EQTN: variants seen among roughly 807,000 people sequenced by gnomAD.
EQTN encodes equatorin, also known as Acrosome formation associated factor.
EQTN carries 29 observed loss-of-function variants against 26.9 expected under a neutral mutation model. The observed-to-expected ratio is 1.08, with a 90% confidence interval of 0.80 to 1.47. The LOEUF (loss-of-function observed/expected upper bound fraction) is 1.47. Ranked by LOEUF, EQTN falls within the 40% of genes most tolerant of loss-of-function variation. The pLI is 0.00. For synonymous variants in EQTN, 129 were observed against 120.0 expected (o/e 1.07, Z -0.49); for missense variants, 391 against 346.1 (o/e 1.13, Z -1.03).
rs142661318 is a variant in EQTN at position 27,286,099 on chromosome 9, G to T, written c.635+110C>A. On this transcript the variant is annotated intron_variant, in intron 7 of 7. Coordinates refer to ENST00000380032, the MANE Select transcript of EQTN (RefSeq NM_020641.3). ...GGTAAATGGAATCAATTTGAATGTC[G>T]TATGGATGAATTCAGAGGTCACATA... The T allele has an allele frequency of 2.2e-4, 239 of 1,067,048 alleles. 1 individual carries two copies. In the Middle Eastern group the frequency reaches 2.7e-3, roughly 12 times the overall value. 66.1% of individuals were successfully genotyped at this position (1,067,048 alleles called of 1,614,324 possible). A position where few individuals can be genotyped will look rare whatever the true frequency, so the allele number is the denominator to read the frequency against.
intron 7 of EQTN, among the ~76,000 whole-genome samples, chr9:27,285,487 C>T (rs1820102095): frequency 6.6e-6 from 1 of 152,118 alleles, no homozygotes; most frequent in Non-Finnish European, 1.5e-5. Context: ...CACTTTGAAG[C>T]ATGTTTCAAA....
rs774886799 is a variant in EQTN, at chr9:27,284,730, G to A, written c.878C>T (p.Thr293Ile). The A allele has an allele frequency of 6.2e-7, 1 of 1,613,134 alleles. No homozygotes were observed. The highest frequency in any genetic ancestry group is 1.1e-5 in the South Asian group (1 of 90,918). The change falls in exon 8 of 8, where the codon ACC (threonine) becomes ATC (isoleucine). Residue 293 changes from threonine (T) to isoleucine (I), a missense_variant. Thr to Ile is a moderately conservative substitution (Grantham distance 89). Coordinates refer to ENST00000380032, the MANE Select transcript of EQTN (RefSeq NM_020641.3). ...NEMHENDESV[T>I]R ...CCGGGTTCCTTGATTTCTTCACCGGGTAACCGACTCATCGTTTTCATGCAT... is the reference window on the plus strand; with the variant it reads ...CCGGGTTCCTTGATTTCTTCACCGGATAACCGACTCATCGTTTTCATGCAT...
intron 2 of EQTN, 164 bp from the exon 3 acceptor site, chr9:27,294,566 G>T (rs1820300332): frequency 7.3e-6 from 3 of 409,172 alleles, no homozygotes; most frequent in African/African-American, 2.0e-5. Flanking sequence ...GTGGGGCAAG[G>T]GTCAAATCTA....
chr9:27,287,757 G>C (rs1287361030), intron 6 of EQTN, among the ~76,000 whole-genome samples: 2 of 152,164 alleles, frequency 1.3e-5, no homozygotes, highest in Non-Finnish European at 2.9e-5. Flanking sequence ...TGTCATTCCT[G>C]TTTATAACTT....
At chr9:27,290,445 C>T (rs1820212306) in intron 5 of EQTN, among the ~76,000 whole-genome samples, 1 of 152,158 alleles carries the variant, frequency 6.6e-6, no homozygotes, top group Admixed American at 6.5e-5. Context: ...GTAGGTGATA[C>T]AGAATGCAAA....
chr9:27,296,344 T>G (rs1820342809), intron 2 of EQTN, among the ~76,000 whole-genome samples: 1 of 152,082 alleles, frequency 6.6e-6, no homozygotes, highest in African/African-American at 2.4e-5. Flanking sequence ...AAAATAAGCC[T>G]TAAAGATAAG....
intron 7 of EQTN, among the ~76,000 whole-genome samples, 161 bp from the exon 8 acceptor site, chr9:27,285,133 C>CTTTTTTTTT (rs201723057): frequency 1.3e-5 from 1 of 77,078 alleles, no homozygotes; most frequent in African/African-American, 5.7e-5. Flanking sequence ...TTTTCTTTTC[C>CTTTTTTTTT]TTTTTTTTTT....
Position 27,289,727 on chromosome 9 carries a change from T to C in EQTN, c.426A>G (p.Ile142Met), listed in dbSNP as rs757407388. Reference sequence around the variant, plus strand: ...CATCCATGACCACTGCTGTTCCATTTATAGCTGTTAAAACAAATTGGGGTT... The same window carrying C: ...CATCCATGACCACTGCTGTTCCATTCATAGCTGTTAAAACAAATTGGGGTT... ...PAFWTMLAKA[I>M]NGTAVVMDDK... Residue 142 changes from isoleucine (I) to methionine (M), a missense_variant, in exon 6 of 8, where the codon ATA (isoleucine) becomes ATG (methionine). Coordinates refer to ENST00000380032, the MANE Select transcript of EQTN (RefSeq NM_020641.3). 2.2e-5 allele frequency: 36 copies of C among 1,602,426 alleles called. No individual in the cohort carries two copies. The highest frequency in any genetic ancestry group is 2.0e-4 in the Admixed American group (12 of 58,774).
At chr9:27,288,422 C>T (rs1820162875) in intron 6 of EQTN, among the ~76,000 whole-genome samples, 1 of 152,006 alleles carries the variant, frequency 6.6e-6, no homozygotes, top group African/African-American at 2.4e-5. Flanking sequence ...CTCATCTTCC[C>T]ACCTTGCCCT....
rs1253310646 is a variant in EQTN at position 27,296,751 on chromosome 9, A to C, written c.77-13T>G. 6.3e-7 allele frequency: 1 copy of C among 1,598,528 alleles called. No individual in the cohort carries two copies. Among genetic ancestry groups the C allele is most frequent in the East Asian group, 2.2e-5 (1 of 44,718 alleles). ...ACATTAGGCAATGCTAAAAAAAAGT[A>C]TCACACACCATAGATCAGAAATATG... On this transcript the variant is annotated splice_polypyrimidine_tract_variant and intron_variant, in intron 1 of 7. Coordinates refer to ENST00000380032, the MANE Select transcript of EQTN (RefSeq NM_020641.3).
intron 6 of EQTN, among the ~76,000 whole-genome samples, chr9:27,289,385 C>T (rs1309401437): frequency 6.6e-6 from 1 of 152,180 alleles, no homozygotes; most frequent in Admixed American, 6.5e-5. Flanking sequence ...ATATTATCAT[C>T]ATAAAGACAC....
Position 27,294,346 on chromosome 9 carries a change from T to C in EQTN, c.259A>G (p.Thr87Ala). The C allele has an allele frequency of 6.2e-7, 1 of 1,611,418 alleles. No homozygotes were observed. Reference protein sequence around the residue: ...GTESEISVRATTDLNFALKND... With the variant: ...GTESEISVRAATDLNFALKND... ...TTTAGAGCAAAATTCAGGTCAGTTGTGGCTCTCACAGATATTTCAGACTCA... is the reference window on the plus strand; with the variant it reads ...TTTAGAGCAAAATTCAGGTCAGTTGCGGCTCTCACAGATATTTCAGACTCA... Residue 87 changes from threonine to alanine, a missense_variant, in exon 3 of 8, where the codon ACA (threonine) becomes GCA (alanine). Transcript: ENST00000380032.
intron 6 of EQTN, among the ~76,000 whole-genome samples, chr9:27,288,191 A>G (rs1429141613): frequency 2.6e-5 from 4 of 152,056 alleles, no homozygotes; most frequent in Non-Finnish European, 5.9e-5. Flanking sequence ...TCATCATGCT[A>G]TTTTTCAACC....
chr9:27,291,819 C>T (rs946080303), intron 4 of EQTN, among the ~76,000 whole-genome samples: 3 of 152,042 alleles, frequency 2.0e-5, no homozygotes, highest in African/African-American at 4.8e-5. Flanking sequence ...TTTCATGTAA[C>T]GACACGTAAG....
At position 27,294,359 on chromosome 9, in the gene EQTN, T is replaced by C. The variant is rs764501717; in HGVS notation, c.246A>G (p.Ile82Met). 11 of 1,611,330 alleles carry C rather than the reference T, an allele frequency of 6.8e-6. No individual in the cohort carries two copies. The Middle Eastern group carries it at 5.0e-4, about 73-fold the overall frequency. Reference sequence around the variant, plus strand: ...TCAGGTCAGTTGTGGCTCTCACAGATATTTCAGACTCAGTGCCATTTGGAT... The same window carrying C: ...TCAGGTCAGTTGTGGCTCTCACAGACATTTCAGACTCAGTGCCATTTGGAT... ...TQNPNGTESEISVRATTDLNF... is the reference protein window; with the variant it reads ...TQNPNGTESEMSVRATTDLNF... Residue 82 changes from isoleucine to methionine, a missense_variant, in exon 3 of 8, where the codon ATA (isoleucine) becomes ATG (methionine). Transcript: ENST00000380032.
At chr9:27,296,886 C>A in intron 1 of EQTN, 94 bp downstream of exon 1, 1 of 1,560,738 alleles carries the variant, frequency 6.4e-7, no homozygotes, top group African/African-American at 1.4e-5. Context: ...AAGTTTATAT[C>A]CTCCTGTAGA....
At chr9:27,292,673 G>C (rs143586142) in intron 3 of EQTN, among the ~76,000 whole-genome samples, 186 bp from the exon 4 acceptor site, 1 of 152,160 alleles carries the variant, frequency 6.6e-6, no homozygotes, top group South Asian at 2.1e-4. Flanking sequence ...GAAGAATAAA[G>C]TTTTTGTGAT....
Position 27,294,300 on chromosome 9 carries a change from G to A in EQTN, c.289+16C>T. The A allele has an allele frequency of 1.9e-6, 3 of 1,584,966 alleles. No homozygotes were observed. The highest frequency in any genetic ancestry group is 2.6e-6 in the Non-Finnish European group (3 of 1,156,338). ...TAATGGCTTTTACATGTGCAATGGTGCCTTTCACTTCTTACCGTTTTTTAG... is the reference window on the plus strand; with the variant it reads ...TAATGGCTTTTACATGTGCAATGGTACCTTTCACTTCTTACCGTTTTTTAG... On this transcript the variant is annotated intron_variant, in intron 3 of 7. Transcript: ENST00000380032.
At chr9:27,292,020 A>G (rs1820244642) in intron 4 of EQTN, 1 of 152,682 alleles carries the variant, frequency 6.5e-6, no homozygotes, top group South Asian at 2.1e-4. Flanking sequence ...GACCCTAACC[A>G]GAGATAAGTT....
Sources: allele counts gnomAD v4.1 joint callset (sites outside exome capture counted in the v4.1 genomes callset), GRCh38; gene constraint gnomAD v4.1.1; transcripts MANE v1.5; gene names NCBI Gene and HGNC (gene_info 2026-07-23, HGNC 2026-07-21).